MYH15: variants seen among roughly 807,000 people sequenced by gnomAD.
MYH15 encodes myosin-15.
MYH15 carries 227 observed loss-of-function variants against 240.5 expected under a neutral mutation model. The ratio of observed to expected loss-of-function variants is 0.94; its 90% CI spans 0.85 to 1.05. The LOEUF is 1.05. MYH15 is among the 50% of genes least tolerant of loss of function. The pLI, the probability that MYH15 is intolerant of heterozygous loss-of-function variation, is 0.00. For synonymous variants in MYH15, 785 were observed against 796.7 expected, an observed-to-expected ratio of 0.99 and a Z score of 0.25; for missense variants, 2,217 against 2,247.5, an observed-to-expected ratio of 0.99 and a Z score of 0.27.
chr3:108,381,637 G>A, intron 40 of MYH15, 78 bp from the exon 41 acceptor site: 1 of 1,526,818 alleles, frequency 6.5e-7, no homozygotes, highest in Non-Finnish European at 9.1e-7. Flanking sequence ...GAACCAAGCT[G>A]AGTCCCTTCC....
the MYH15 span, among the ~76,000 whole-genome samples, chr3:108,542,379 A>G: frequency 6.6e-6 from 1 of 152,072 alleles, no homozygotes; most frequent in Admixed American, 6.6e-5. Flanking sequence ...CTGCCCTAAA[A>G]TGCTCCATTT....
chr3:108,410,613 T>A lies in MYH15; in HGVS notation c.4465A>T (p.Thr1489Ser), dbSNP rs925048760. Residue 1489 changes from threonine (T) to serine (S), a missense_variant, in exon 31 of 41, where the codon ACA becomes TCA. Physicochemically the swap from Thr to Ser is moderately conservative, Grantham distance 58 (BLOSUM62 1). Coordinates refer to ENST00000693548, the MANE Select transcript of MYH15 (RefSeq NM_014981.3). The stretch of plus-strand genomic sequence containing the variant: ...AGGTTCTTGTTCTCCCTCCTGAGTG[T>A]CTCCTGGCCCACGATGCTCTCCTCA... ...TYEESIVGQE[T>S]LRRENKNLQE... 6.3e-7 allele frequency: 1 copy of A among 1,599,612 alleles called. No individual in the cohort carries two copies. Among genetic ancestry groups the A allele is most frequent in the African/African-American group, 1.3e-5 (1 of 74,654 alleles).
intron 9 of MYH15, among the ~76,000 whole-genome samples, chr3:108,487,985 G>A (rs2083318733): frequency 6.6e-6 from 1 of 151,656 alleles, no homozygotes; most frequent in Admixed American, 6.6e-5. Flanking sequence ...TATATTTATG[G>A]TGTACAACAT....
intron 38 of MYH15, among the ~76,000 whole-genome samples, chr3:108,386,485 G>A (rs2082385068): frequency 6.6e-6 from 1 of 152,154 alleles, no homozygotes; most frequent in South Asian, 2.1e-4. Flanking sequence ...TTCCCAGGCA[G>A]CCCCCAGGCA....
Position 108,399,265 on chromosome 3 carries a change from C to T in MYH15, c.4739G>A (p.Arg1580Lys), listed in dbSNP as rs1442039698. Reference protein sequence around the residue: ...EKDEEIENFRRKQQCTIDSLQ... With the variant: ...EKDEEIENFRKKQQCTIDSLQ... Reference sequence around the variant, plus strand: ...GGAGTCAATGGTACACTGCTGCTTCCTCCTAATTTGAAATAACATTTGGAG... The same window carrying T: ...GGAGTCAATGGTACACTGCTGCTTCTTCCTAATTTGAAATAACATTTGGAG... The change falls in exon 34 of 41, where the codon AGG becomes AAG. Residue 1580 changes from arginine to lysine, a missense_variant and splice_region_variant. Coordinates refer to ENST00000693548, the MANE Select transcript of MYH15 (RefSeq NM_014981.3). 2 of 1,605,572 alleles carry T rather than the reference C, an allele frequency of 1.2e-6. No individual in the cohort carries two copies. Among genetic ancestry groups the T allele is most frequent in the East Asian group, 2.2e-5 (1 of 44,738 alleles).
rs1449264862 is a variant in MYH15, at chr3:108,441,158, C to T, written c.2758G>A (p.Glu920Lys). 3 of 1,614,020 alleles carry T rather than the reference C, an allele frequency of 1.9e-6. No homozygotes were observed. The highest frequency in any genetic ancestry group is 2.7e-5 in the African/African-American group (2 of 74,924). ...AGCTCAGAATTTATCTCCTCTTCTT[C>T]CTCCACCCTCTCCGACAGCTCCTTT... ...RVKELSERVE[E>K]EEEINSELTA... The change falls in exon 23 of 41, where the codon GAA becomes AAA. Residue 920 changes from glutamate (E) to lysine (K), a missense_variant. By Grantham distance (56) the Glu-to-Lys change is moderately conservative (BLOSUM62 1). Coordinates refer to ENST00000693548, the MANE Select transcript of MYH15 (RefSeq NM_014981.3).
the MYH15 span, among the ~76,000 whole-genome samples, chr3:108,538,480 T>A: frequency 2.6e-5 from 4 of 152,210 alleles, no homozygotes; most frequent in Non-Finnish European, 5.9e-5. Flanking sequence ...AAGGCATTTC[T>A]AGGAAAAACT....
intron 15 of MYH15, 131 bp downstream of exon 15, chr3:108,464,507 G>A: frequency 1.1e-6 from 1 of 937,460 alleles, no homozygotes; most frequent in South Asian, 1.8e-5. Context: ...CTTTTTTGTG[G>A]AACTGAGATG....
At position 108,436,189 on chromosome 3, in the gene MYH15, T is replaced by C. The variant is rs539257859; in HGVS notation, c.3221+1365A>G. 2.6e-5 allele frequency among the ~76,000 whole-genome samples: 4 copies of C among 151,776 alleles called. No individual in the cohort carries two copies. In the East Asian group the frequency reaches 7.8e-4, roughly 30 times the overall value. On this transcript the variant is annotated intron_variant, in intron 25 of 40. Transcript: ENST00000693548. The stretch of plus-strand genomic sequence containing the variant: ...ATAAAGTTACAACTTTTTGAAAATA[T>C]GGATTTCTAAAATGCTAAAACTCTT...
intron 20 of MYH15, among the ~76,000 whole-genome samples, chr3:108,454,630 A>C (rs1164660605): frequency 2.0e-5 from 3 of 152,214 alleles, no homozygotes; most frequent in African/African-American, 7.2e-5. Context: ...TATATTAAAA[A>C]AACAGTCCAT....
At chr3:108,409,822 GATAT>G (rs2107547386) in intron 31 of MYH15, among the ~76,000 whole-genome samples, 1 of 152,200 alleles carries the variant, frequency 6.6e-6, no homozygotes, top group South Asian at 2.1e-4. Flanking sequence ...CATGTATAGG[GATAT>G]ATAATGTAGG....
In MYH15 at chr3:108,440,998, T is replaced by C. The variant is rs2082879889; in HGVS notation, c.2898+20A>G. Reference sequence around the variant, plus strand: ...ATTCTGGCTGCTAGGCCTTCTTAACTAACATTATGGAAAAAGTACCTTGTG... The same window carrying C: ...ATTCTGGCTGCTAGGCCTTCTTAACCAACATTATGGAAAAAGTACCTTGTG... On this transcript the variant is annotated intron_variant, in intron 23 of 40. Transcript: ENST00000693548. 1.2e-6 allele frequency: 2 copies of C among 1,612,498 alleles called. No individual in the cohort carries two copies. The highest frequency in any genetic ancestry group is 1.7e-6 in the Non-Finnish European group (2 of 1,178,590).
At chr3:108,465,309 G>A (rs750768017) in intron 14 of MYH15, among the ~76,000 whole-genome samples, 1 of 152,170 alleles carries the variant, frequency 6.6e-6, no homozygotes, top group Non-Finnish European at 1.5e-5. Flanking sequence ...AAGGCCCCGA[G>A]GCCAGAGCCC....
Position 108,459,406 on chromosome 3 carries a change from G to GGTGCTGTTGAT in MYH15, c.1965_1975dup (p.Pro659HisfsTer8). On this transcript the variant is annotated frameshift_variant, in exon 18 of 41. Coordinates refer to ENST00000693548, the MANE Select transcript of MYH15 (RefSeq NM_014981.3). LOFTEE classifies it high-confidence loss of function. ...GGGATTTATGCATCTCACAAAATGA[G>GGTGCTGTTGAT]GTGCTGTTGATTTCAGATTAGTCAT... 6.2e-7 allele frequency: 1 copy of GGTGCTGTTGAT among 1,604,368 alleles called. No individual in the cohort carries two copies.
chr3:108,439,669 G>T, intron 24 of MYH15, 68 bp downstream of exon 24: 2 of 1,260,022 alleles, frequency 1.6e-6, no homozygotes, highest in Non-Finnish European at 1.0e-6. Flanking sequence ...ATAAATTAAT[G>T]AAGTAAAAAC....
chr3:108,421,661 A>C (rs1443568231), intron 27 of MYH15, among the ~76,000 whole-genome samples: 1 of 152,156 alleles, frequency 6.6e-6, no homozygotes, highest in Non-Finnish European at 1.5e-5. Context: ...AGCAATATGC[A>C]AGGGTGGAGA....
chr3:108,409,889 T>C (rs1408021011), intron 31 of MYH15, among the ~76,000 whole-genome samples: 1 of 152,252 alleles, frequency 6.6e-6, no homozygotes, highest in Non-Finnish European at 1.5e-5. Context: ...TCTAGTTAAA[T>C]GATAGCCATC....
chr3:108,467,841 T>C (rs2083133344), intron 14 of MYH15, among the ~76,000 whole-genome samples: 1 of 152,166 alleles, frequency 6.6e-6, no homozygotes, highest in Non-Finnish European at 1.5e-5. Context: ...ATAAAATAAG[T>C]ATGAGCAAAT....
intron 1 of MYH15, chr3:108,529,182 G>T: frequency 7.4e-7 from 1 of 1,349,540 alleles, no homozygotes; most frequent in Non-Finnish European, 1.0e-6. Flanking sequence ...AGACCATCAA[G>T]AATAAAATTC....
Sources: allele counts gnomAD v4.1 joint callset (sites outside exome capture counted in the v4.1 genomes callset), GRCh38; gene constraint gnomAD v4.1.1; transcripts MANE v1.5; gene names NCBI Gene and HGNC (gene_info 2026-07-23, HGNC 2026-07-21).